The following TUBB2B variants were observed in gnomAD, a reference collection of about 807,000 sequenced individuals.
TUBB2B encodes tubulin beta-2B chain.
TUBB2B carries 5 observed loss-of-function variants against 35.0 expected under a neutral mutation model. That is an observed-to-expected ratio of 0.14 (90% CI 0.07 to 0.30). The LOEUF (loss-of-function observed/expected upper bound fraction) is 0.30. TUBB2B is among the 10% of genes least tolerant of loss of function. The probability of loss-of-function intolerance (pLI) is 1.00; values close to 1 mark genes in which losing one functional copy is unlikely to be tolerated. For synonymous variants in TUBB2B, 166 were observed against 250.5 expected (o/e 0.66, Z 3.18); for missense variants, 63 against 601.8 (o/e 0.10, Z 9.37).
In TUBB2B at chr6:3,227,314, T is replaced by G. The variant is rs1757301339; in HGVS notation, c.57+173A>C. Among the ~76,000 whole-genome samples the G allele has an allele frequency of 6.6e-6, 1 of 151,984 alleles. No homozygotes were observed. The highest frequency in any genetic ancestry group is 2.4e-5 in the African/African-American group (1 of 41,378). ...AGCAGAAAGAAAGAGAGGTGCCCCC[T>G]CCGTCCGCGAAAGTCACCTCCTAGC... On this transcript the variant is annotated intron_variant, in intron 1 of 3. Transcript: ENST00000259818. This position sits in a 1 kb window ranked among gnomAD's most constrained non-coding sequence, Gnocchi z 7.8.
chr6:3,226,484 C>T lies in TUBB2B; in HGVS notation c.166+77G>A, dbSNP rs891155309. The T allele has an allele frequency of 1.4e-5, 19 of 1,353,828 alleles. No individual in the cohort carries two copies. Among genetic ancestry groups the T allele is most frequent in the Admixed American group, 1.2e-4 (7 of 59,594 alleles). The allele number at this position is 1,353,828 out of a possible 1,614,324, so 83.9% of individuals were successfully genotyped here. On this transcript the variant is annotated intron_variant, in intron 2 of 3. Transcript: ENST00000259818. This position sits in a 1 kb window ranked among gnomAD's most constrained non-coding sequence, Gnocchi z 5.5. ...TAGTCCACCCTCTCCCAGGGCCACA[C>T]CCCTGGGGTCCCACGCAAGGGAAAG...
rs775214937 is a variant in TUBB2B at position 3,226,708 on chromosome 6, C to T, written c.58-39G>A. On this transcript the variant is annotated intron_variant, in intron 1 of 3. Coordinates refer to ENST00000259818, the MANE Select transcript of TUBB2B (RefSeq NM_178012.5). The surrounding 1 kb of genome is among the most constrained non-coding windows in gnomAD (Gnocchi z 5.5). ...GCTGCATTTAGCCATGAACGATGCCCCCAGAAACGCCAAGGCTCACAATGA... is the reference window on the plus strand; with the variant it reads ...GCTGCATTTAGCCATGAACGATGCCTCCAGAAACGCCAAGGCTCACAATGA... 1 of 1,518,006 alleles carries T rather than the reference C, an allele frequency of 6.6e-7. No individual in the cohort carries two copies. The highest frequency in any genetic ancestry group is 1.1e-5 in the South Asian group (1 of 89,086). 94.0% of individuals were successfully genotyped at this position (1,518,006 alleles called of 1,614,324 possible).
chr6:3,224,732 A>C lies in TUBB2B; in HGVS notation c.*19T>G. ...TCGCTTTCCTCCTCCGCTTTCCCTA[A>C]CCCGTCTCGCGGGGGCATCTACGCC... On this transcript the variant is annotated 3_prime_UTR_variant, in exon 4 of 4. Coordinates refer to ENST00000259818, the MANE Select transcript of TUBB2B (RefSeq NM_178012.5). The C allele has an allele frequency of 6.2e-7, 1 of 1,613,402 alleles. No individual in the cohort carries two copies. The highest frequency in any genetic ancestry group is 1.1e-5 in the South Asian group (1 of 91,026).
At position 3,224,495 on chromosome 6, in the gene TUBB2B, A is replaced by G; in HGVS notation, c.*256T>C. ...AAAAGGAAGAGAAAGAGAGGACACC[A>G]TTCCGACACAAACGTTTATGTGATT... On this transcript the variant is annotated 3_prime_UTR_variant, in exon 4 of 4. Transcript: ENST00000259818. 1 of 608,080 alleles carries G rather than the reference A, an allele frequency of 1.6e-6. No homozygotes were observed. Among genetic ancestry groups the G allele is most frequent in the Non-Finnish European group, 2.9e-6 (1 of 350,374 alleles). 37.7% of individuals were successfully genotyped at this position (608,080 alleles called of 1,614,324 possible).
Position 3,226,170 on chromosome 6 carries a change from T to C in TUBB2B, c.266A>G (p.Asn89Ser), listed in dbSNP as rs1312030593. The C allele has an allele frequency of 1.2e-6, 2 of 1,613,886 alleles. No individual in the cohort carries two copies. The highest frequency in any genetic ancestry group is 1.7e-6 in the Non-Finnish European group (2 of 1,179,918). The change falls in exon 3 of 4, where the codon AAT (asparagine) becomes AGT (serine). Residue 89 changes from asparagine (N) to serine (S), a missense_variant. Asn to Ser is a conservative substitution (Grantham distance 46). Coordinates refer to ENST00000259818, the MANE Select transcript of TUBB2B (RefSeq NM_178012.5). This position sits in a 1 kb window ranked among gnomAD's most constrained non-coding sequence, Gnocchi z 5.5. Reference sequence around the variant, plus strand: ...CACCAGGCACTCACCAAACACGAAATTGTCTGGTCTGAAGATCTGGCCGAA... The same window carrying C: ...CACCAGGCACTCACCAAACACGAAACTGTCTGGTCTGAAGATCTGGCCGAA... ...GPFGQIFRPD[N>S]FVFGQSGAGN... is the part of the protein sequence containing the mutation.
chr6:3,226,444 G>A lies in TUBB2B; in HGVS notation c.166+117C>T. 9.2e-7 allele frequency: 1 copy of A among 1,090,100 alleles called. No homozygotes were observed. Among genetic ancestry groups the A allele is most frequent in the Non-Finnish European group, 1.4e-6 (1 of 708,534 alleles). The allele number at this position is 1,090,100 out of a possible 1,614,324, so 67.5% of individuals were successfully genotyped here. On this transcript the variant is annotated intron_variant, in intron 2 of 3. Transcript: ENST00000259818. This position sits in a 1 kb window ranked among gnomAD's most constrained non-coding sequence, Gnocchi z 5.5. ...ATGAAATACTGCAGGGAAAGAGCGG[G>A]GATCCTAAACTGAATAGTCCACCCT...
In TUBB2B at chr6:3,225,267, G is replaced by T; in HGVS notation, c.822C>A (p.Thr274=). 1 of 1,481,660 alleles carries T rather than the reference G, an allele frequency of 6.7e-7. No individual in the cohort carries two copies. The highest frequency in any genetic ancestry group is 1.2e-5 in the South Asian group (1 of 83,100). 91.8% of individuals were successfully genotyped at this position (1,481,660 alleles called of 1,614,324 possible). ...CCCGGTACTGCTGGCTGCCCCGGCT[G>T]GTCAGGGGCGCGAAGCCGGGCATGA... ...HFFMPGFAPL[T]SRGSQQYRAL... is the part of the protein sequence containing the mutation. The change falls in exon 4 of 4, where the codon ACC becomes ACA. Residue 274 remains threonine, a synonymous_variant. Coordinates refer to ENST00000259818, the MANE Select transcript of TUBB2B (RefSeq NM_178012.5).
intron 3 of TUBB2B, 43 bp from the exon 4 acceptor site, chr6:3,225,854 C>G (rs779387743): frequency 6.2e-7 from 1 of 1,612,242 alleles, no homozygotes. Flanking sequence ...GGTGATTGTA[C>G]TAAATACCTT....
Position 3,227,387 on chromosome 6 carries a change from G to C in TUBB2B, c.57+100C>G. 1 of 1,500,328 alleles carries C rather than the reference G, an allele frequency of 6.7e-7. No individual in the cohort carries two copies. The highest frequency in any genetic ancestry group is 9.0e-7 in the Non-Finnish European group (1 of 1,109,038). 92.9% of individuals were successfully genotyped at this position (1,500,328 alleles called of 1,614,324 possible). ...AAGCGGCCAGGAAGGTCTGCATTTG[G>C]CGATCCCCAGGCCTTCCCAGGACCG... On this transcript the variant is annotated intron_variant, in intron 1 of 3. Coordinates refer to ENST00000259818, the MANE Select transcript of TUBB2B (RefSeq NM_178012.5). This position sits in a 1 kb window ranked among gnomAD's most constrained non-coding sequence, Gnocchi z 7.8.
rs769330039 is a variant in TUBB2B at position 3,224,760 on chromosome 6, G to C, written c.1329C>G (p.Asp443Glu). The change falls in exon 4 of 4, where the codon GAC becomes GAG. Residue 443 changes from aspartate to glutamate, a missense_variant. Asp to Glu is a conservative substitution (Grantham distance 45, BLOSUM62 2). Transcript: ENST00000259818. The stretch of plus-strand genomic sequence containing the variant: ...CGTCTCGCGGGGGCATCTACGCCTC[G>C]TCCTCGCCCTCCTCCTCCTCGAACT... ...QGEFEEEEGE[D>E]EA The C allele has an allele frequency of 2.5e-6, 4 of 1,613,676 alleles. No homozygotes were observed. Among genetic ancestry groups the C allele is most frequent in the Non-Finnish European group, 3.4e-6 (4 of 1,179,996 alleles).
At position 3,226,604 on chromosome 6, in the gene TUBB2B, A is replaced by G. The variant is rs748385221; in HGVS notation, c.123T>C (p.Asp41=). The G allele has an allele frequency of 6.2e-7, 1 of 1,614,142 alleles. No individual in the cohort carries two copies. The highest frequency in any genetic ancestry group is 1.1e-5 in the South Asian group (1 of 91,082). ...AAACATTGATTCTCTCCAGCTGCAA[A>G]TCACTGTCTCCATGGTAACTGCCAG... ...DPTGSYHGDS[D]LQLERINVYY... The change falls in exon 2 of 4, where the codon GAT becomes GAC. Residue 41 remains aspartate (D), a synonymous_variant. Coordinates refer to ENST00000259818, the MANE Select transcript of TUBB2B (RefSeq NM_178012.5). The surrounding 1 kb of genome is among the most constrained non-coding windows in gnomAD (Gnocchi z 5.5).
At position 3,224,710 on chromosome 6, in the gene TUBB2B, C is replaced by A. The variant is rs568666479; in HGVS notation, c.*41G>T. Reference sequence around the variant, plus strand: ...TCCCGGGAAGCCCCCCACCCCCTCGCTTTCCTCCTCCGCTTTCCCTAACCC... The same window carrying A: ...TCCCGGGAAGCCCCCCACCCCCTCGATTTCCTCCTCCGCTTTCCCTAACCC... On this transcript the variant is annotated 3_prime_UTR_variant, in exon 4 of 4. Transcript: ENST00000259818. 16 of 1,611,106 alleles carry A rather than the reference C, an allele frequency of 9.9e-6. No individual in the cohort carries two copies. The highest frequency in any genetic ancestry group is 1.3e-5 in the Non-Finnish European group (15 of 1,177,864).
chr6:3,226,683 G>C lies in TUBB2B; in HGVS notation c.58-14C>G. ...GACCTCCCAAAACTGAGACAGAAAG[G>C]CTGCATTTAGCCATGAACGATGCCC... is the stretch of plus-strand genomic sequence containing the variant. On this transcript the variant is annotated splice_polypyrimidine_tract_variant and intron_variant, in intron 1 of 3. Transcript: ENST00000259818. This position sits in a 1 kb window ranked among gnomAD's most constrained non-coding sequence, Gnocchi z 5.5. The C allele has an allele frequency of 6.2e-7, 1 of 1,605,100 alleles. No homozygotes were observed. The highest frequency in any genetic ancestry group is 1.3e-5 in the African/African-American group (1 of 74,856).
chr6:3,226,739 C>T lies in TUBB2B; in HGVS notation c.58-70G>A, dbSNP rs41300841. On this transcript the variant is annotated intron_variant, in intron 1 of 3. Transcript: ENST00000259818. The surrounding 1 kb of genome is among the most constrained non-coding windows in gnomAD (Gnocchi z 5.5). ...AACGCCAAGGCTCACAATGAAATGT[C>T]CCCGACTCAGTTCCGACAACCCAAC... 0.035 allele frequency: 46,389 copies of T among 1,324,856 alleles called. 1,067 individuals are homozygous for T. Among genetic ancestry groups the T allele is most frequent in the South Asian group, 0.049 (4,212 of 85,284 alleles). The allele number at this position is 1,324,856 out of a possible 1,614,324, so 82.1% of individuals were successfully genotyped here.
At position 3,227,618 on chromosome 6, in the gene TUBB2B, G is replaced by T; in HGVS notation, c.-75C>A. 1 of 1,585,618 alleles carries T rather than the reference G, an allele frequency of 6.3e-7. No individual in the cohort carries two copies. The highest frequency in any genetic ancestry group is 8.6e-7 in the Non-Finnish European group (1 of 1,167,394). On this transcript the variant is annotated 5_prime_UTR_variant, in exon 1 of 4. Transcript: ENST00000259818. This position sits in a 1 kb window ranked among gnomAD's most constrained non-coding sequence, Gnocchi z 7.8. ...CCTCCCCTCACACACCCACTGCGGG[G>T]TCACCGGGAAGGCGCTCGGGAACCG...
In TUBB2B at chr6:3,227,331, C is replaced by T. The variant is rs552949530; in HGVS notation, c.57+156G>A. Among the ~76,000 whole-genome samples the T allele has an allele frequency of 6.6e-6, 1 of 152,278 alleles. No homozygotes were observed. The highest frequency in any genetic ancestry group is 1.9e-4 in the East Asian group (1 of 5,150). Reference sequence around the variant, plus strand: ...GTGCCCCCTCCGTCCGCGAAAGTCACCTCCTAGCCCAGGCCACACTCGGCG... The same window carrying T: ...GTGCCCCCTCCGTCCGCGAAAGTCATCTCCTAGCCCAGGCCACACTCGGCG... On this transcript the variant is annotated intron_variant, in intron 1 of 3. Coordinates refer to ENST00000259818, the MANE Select transcript of TUBB2B (RefSeq NM_178012.5). This position sits in a 1 kb window ranked among gnomAD's most constrained non-coding sequence, Gnocchi z 7.8.
At position 3,224,741 on chromosome 6, in the gene TUBB2B, G is replaced by C. The variant is rs758448543; in HGVS notation, c.*10C>G. Reference sequence around the variant, plus strand: ...TCCTCCGCTTTCCCTAACCCGTCTCGCGGGGGCATCTACGCCTCGTCCTCG... The same window carrying C: ...TCCTCCGCTTTCCCTAACCCGTCTCCCGGGGGCATCTACGCCTCGTCCTCG... On this transcript the variant is annotated 3_prime_UTR_variant, in exon 4 of 4. Coordinates refer to ENST00000259818, the MANE Select transcript of TUBB2B (RefSeq NM_178012.5). The C allele has an allele frequency of 2.5e-6, 4 of 1,613,674 alleles. No homozygotes were observed. The Admixed American group carries it at 5.0e-5, about 20-fold the overall frequency.
At position 3,226,331 on chromosome 6, in the gene TUBB2B, G is replaced by A. The variant is rs1269124248; in HGVS notation, c.167-62C>T. The A allele has an allele frequency of 4.2e-6, 6 of 1,436,688 alleles. No individual in the cohort carries two copies. The highest frequency in any genetic ancestry group is 2.8e-5 in the African/African-American group (2 of 71,314). The allele number at this position is 1,436,688 out of a possible 1,614,324, so 89.0% of individuals were successfully genotyped here. A position where few individuals can be genotyped will look rare whatever the true frequency, so the allele number is the denominator to read the frequency against. On this transcript the variant is annotated intron_variant, in intron 2 of 3. Coordinates refer to ENST00000259818, the MANE Select transcript of TUBB2B (RefSeq NM_178012.5). This position sits in a 1 kb window ranked among gnomAD's most constrained non-coding sequence, Gnocchi z 5.5. ...GGACCTCTGCAGAGAAGGGCTTGGC[G>A]CCTGCTGCCATCATGCAGATGTTGC...
In TUBB2B at chr6:3,224,434, G is replaced by A. The variant is rs974137940; in HGVS notation, c.*317C>T. On this transcript the variant is annotated 3_prime_UTR_variant, in exon 4 of 4. Transcript: ENST00000259818. ...TTAAAGGAAGAATTCAATGCAATGT[G>A]TTCAGAAAGTTACATTTAAATCGTT... The A allele has an allele frequency of 6.0e-6, 3 of 499,296 alleles. No homozygotes were observed. Among genetic ancestry groups the A allele is most frequent in the African/African-American group, 3.8e-5 (2 of 52,076 alleles). 30.9% of individuals were successfully genotyped at this position (499,296 alleles called of 1,614,324 possible). A position where few individuals can be genotyped will look rare whatever the true frequency, so the allele number is the denominator to read the frequency against.
Sources: gnomAD v4.1 joint callset for allele counts (sites outside exome capture counted in the v4.1 genomes callset) on GRCh38, gnomAD v4.1.1 for gene constraint, Gnocchi (gnomAD v3.1) non-coding constraint, MANE v1.5 for transcripts, NCBI Gene and HGNC (gene_info 2026-07-23, HGNC 2026-07-21) for gene names.